The following SCARA5 variants were observed in gnomAD, a reference collection of about 807,000 sequenced individuals.
The protein encoded by SCARA5 is scavenger receptor class A, member 5 (putative).
A neutral mutation model predicts 46.3 loss-of-function variants in SCARA5; 45 were observed. That is an observed-to-expected ratio of 0.97 (90% CI 0.76 to 1.24). SCARA5 has a LOEUF of 1.24. Ranked by LOEUF, SCARA5 falls within the 50% of genes most tolerant of loss-of-function variation. The pLI is 0.00. For synonymous variants in SCARA5, 333 were observed against 306.5 expected, an observed-to-expected ratio of 1.09 and a Z score of -0.90; for missense variants, 680 against 689.0, an observed-to-expected ratio of 0.99 and a Z score of 0.15.
intron 7 of SCARA5, among the ~76,000 whole-genome samples, chr8:27,885,456 T>C (rs1481739955): frequency 6.6e-6 from 1 of 152,196 alleles, no homozygotes; most frequent in Admixed American, 6.5e-5. Context: ...ACTGTGAGCC[T>C]TCTGAGGATC....
intron 2 of SCARA5, among the ~76,000 whole-genome samples, chr8:27,969,219 C>T (rs1482050506): frequency 6.6e-6 from 1 of 152,084 alleles, no homozygotes; most frequent in Non-Finnish European, 1.5e-5. Context: ...GTAAACCTTT[C>T]AAATTATTTA....
chr8:27,899,139 G>A (rs1807110852), intron 7 of SCARA5, among the ~76,000 whole-genome samples: 1 of 152,246 alleles, frequency 6.6e-6, no homozygotes, highest in Admixed American at 6.5e-5. Flanking sequence ...TTGCTTATAT[G>A]TTCTGGAAGC....
intron 1 of SCARA5, among the ~76,000 whole-genome samples, chr8:27,988,786 T>A (rs1174577885): frequency 6.6e-6 from 1 of 152,250 alleles, no homozygotes; most frequent in Non-Finnish European, 1.5e-5. Flanking sequence ...CTTCTGATTC[T>A]CTTTAACTAT....
chr8:27,882,450 C>T (rs1202125952), intron 7 of SCARA5, among the ~76,000 whole-genome samples: 3 of 152,134 alleles, frequency 2.0e-5, no homozygotes, highest in Non-Finnish European at 4.4e-5. Flanking sequence ...GTTTGAGACC[C>T]GGTGACCAGC....
At chr8:27,964,641 T>G (rs903224887) in intron 3 of SCARA5, among the ~76,000 whole-genome samples, 9 of 152,282 alleles carry the variant, frequency 5.9e-5, no homozygotes, top group East Asian at 1.9e-4. Flanking sequence ...TGGTCCTAGC[T>G]CTGCCTTCTG....
At chr8:27,919,268 A>G (rs976965596) in intron 4 of SCARA5, among the ~76,000 whole-genome samples, 1 of 133,824 alleles carries the variant, frequency 7.5e-6, no homozygotes, top group Non-Finnish European at 1.5e-5. Flanking sequence ...AGGAGAAGGA[A>G]GAGAAGAGGT....
At chr8:27,900,674 C>G (rs575098788) in intron 7 of SCARA5, among the ~76,000 whole-genome samples, 2 of 152,080 alleles carry the variant, frequency 1.3e-5, no homozygotes, top group East Asian at 1.9e-4. Context: ...TAAAAAAAAC[C>G]TGAATTCTTC....
intron 2 of SCARA5, among the ~76,000 whole-genome samples, chr8:27,979,555 CTT>C (rs1316560887): frequency 1.1e-4 from 16 of 140,686 alleles, no homozygotes; most frequent in East Asian, 2.1e-4. Flanking sequence ...GCCTGCCTGA[CTT>C]TTTTTTTTTT....
At chr8:27,947,161 A>C (rs936053545) in intron 3 of SCARA5, among the ~76,000 whole-genome samples, 2 of 152,030 alleles carry the variant, frequency 1.3e-5, no homozygotes, top group Non-Finnish European at 2.9e-5. Context: ...ATAGGTATGC[A>C]CTACCACGTC....
chr8:27,975,499 G>A (rs1448930912), intron 2 of SCARA5, among the ~76,000 whole-genome samples: 3 of 134,210 alleles, frequency 2.2e-5, no homozygotes, highest in East Asian at 2.4e-4. Flanking sequence ...GTGGGACTGG[G>A]CCCTCAACCT....
chr8:27,987,623 T>C lies in SCARA5; in HGVS notation c.-8A>G. On this transcript the variant is annotated 5_prime_UTR_variant, in exon 2 of 9. Transcript: ENST00000354914. ...CATAGCTTTGTTCTCCATCACACCC[T>C]GCAACAGCTGCAGAGAAGGCAAGAG... 6.3e-7 allele frequency: 1 copy of C among 1,586,300 alleles called. No individual in the cohort carries two copies. The highest frequency in any genetic ancestry group is 1.1e-5 in the South Asian group (1 of 90,516).
At chr8:27,981,272 A>C (rs984503854) in intron 2 of SCARA5, among the ~76,000 whole-genome samples, 1 of 152,194 alleles carries the variant, frequency 6.6e-6, no homozygotes, top group African/African-American at 2.4e-5. Flanking sequence ...GAATGTCTCA[A>C]AGGTGTGGCC....
At chr8:27,943,810 C>T (rs1188689176) in intron 3 of SCARA5, among the ~76,000 whole-genome samples, 4 of 152,164 alleles carry the variant, frequency 2.6e-5, no homozygotes, top group African/African-American at 9.7e-5. Context: ...TAAGTGGATG[C>T]TAAAATCATG....
chr8:27,881,535 G>A (rs1806813049), intron 7 of SCARA5, among the ~76,000 whole-genome samples: 3 of 151,446 alleles, frequency 2.0e-5, no homozygotes, highest in Admixed American at 2.0e-4. Context: ...GGGGAGGGGA[G>A]AAGAGGGGTA....
intron 2 of SCARA5, among the ~76,000 whole-genome samples, chr8:27,973,410 G>C (rs958544331): frequency 1.3e-5 from 2 of 152,122 alleles, no homozygotes; most frequent in Non-Finnish European, 1.5e-5. Flanking sequence ...CCAGGGGGCG[G>C]AGATTGCAGT....
chr8:27,934,330 C>A (rs372640957), intron 3 of SCARA5, among the ~76,000 whole-genome samples: 3 of 152,168 alleles, frequency 2.0e-5, no homozygotes, highest in Non-Finnish European at 2.9e-5. Flanking sequence ...CAGGCAAATG[C>A]GGCCTTGAAT....
Position 27,879,706 on chromosome 8 carries a change from C to A in SCARA5, c.1214G>T (p.Arg405Leu). Residue 405 changes from arginine (R) to leucine (L), a missense_variant, in exon 8 of 9, where the codon CGC (arginine) becomes CTC (leucine). Coordinates refer to ENST00000354914, the MANE Select transcript of SCARA5 (RefSeq NM_173833.6). The part of the protein sequence containing the change: ...LVNGSGPHEG[R>L]VEVYHDRRWG... ...ACGCCGGTCGTGGTACACTTCCACGCGGCCCTCGTGCGGACCTGAGCCATT... is the reference window on the plus strand; with the variant it reads ...ACGCCGGTCGTGGTACACTTCCACGAGGCCCTCGTGCGGACCTGAGCCATT... The A allele has an allele frequency of 1.9e-6, 3 of 1,613,052 alleles. No individual in the cohort carries two copies. Among genetic ancestry groups the A allele is most frequent in the South Asian group, 1.1e-5 (1 of 91,082 alleles).
intron 7 of SCARA5, among the ~76,000 whole-genome samples, chr8:27,891,262 G>A (rs187592659): frequency 1.3e-4 from 19 of 150,998 alleles, no homozygotes; most frequent in African/African-American, 4.6e-4. Flanking sequence ...CTGGAGTGCA[G>A]TGGCACAATC....
chr8:27,894,678 C>T (rs989797784), intron 7 of SCARA5, among the ~76,000 whole-genome samples: 1 of 152,222 alleles, frequency 6.6e-6, no homozygotes, highest in South Asian at 2.1e-4. Context: ...GTCACCTCCT[C>T]TGGGAAGGCT....
Sources: allele counts gnomAD v4.1 joint callset (sites outside exome capture counted in the v4.1 genomes callset), GRCh38; gene constraint gnomAD v4.1.1; transcripts MANE v1.5; gene names NCBI Gene and HGNC (gene_info 2026-07-23, HGNC 2026-07-21).